The following SLA variants were observed in gnomAD, a reference collection of about 807,000 sequenced individuals.
The protein encoded by SLA is Src like adaptor, also known as src-like-adapter.
Under a neutral mutation model 30.3 loss-of-function variants are expected in SLA, and 16 were observed. That is an observed-to-expected ratio of 0.53 (90% CI 0.36 to 0.80). The LOEUF (loss-of-function observed/expected upper bound fraction) is 0.80, where lower values mean the gene tolerates loss of function less well. Among genes scored for constraint, SLA ranks in the 30% least tolerant of loss-of-function variants. The pLI is 0.01. For missense variants in SLA, 310 were observed against 345.2 expected, an observed-to-expected ratio of 0.90 and a Z score of 0.81; for synonymous variants, 143 against 137.8, an observed-to-expected ratio of 1.04 and a Z score of -0.26.
chr8:133,060,249 C>G, intron 2 of SLA, 49 bp from the exon 3 acceptor site: 1 of 1,611,534 alleles, frequency 6.2e-7, no homozygotes, highest in Non-Finnish European at 8.5e-7. Flanking sequence ...CCTGAGCCCT[C>G]CAAGTGGAGA....
rs1837402631 is a variant in SLA at position 133,038,009 on chromosome 8, G to A, written c.*515C>T. ...TCACGAAGTTCCTTTAAAAAGAGAGGAAAGCATACCAGAAGTCCCTATGGA... is the reference window on the plus strand; with the variant it reads ...TCACGAAGTTCCTTTAAAAAGAGAGAAAAGCATACCAGAAGTCCCTATGGA... On this transcript the variant is annotated 3_prime_UTR_variant, in exon 9 of 9. Transcript: ENST00000338087. 1 of 155,728 alleles carries A rather than the reference G, an allele frequency of 6.4e-6. No homozygotes were observed. Among genetic ancestry groups the A allele is most frequent in the Admixed American group, 6.3e-5 (1 of 15,930 alleles). 9.6% of individuals were successfully genotyped at this position (155,728 alleles called of 1,614,324 possible).
At chr8:133,067,483 G>T (rs1843198254) in intron 2 of SLA, among the ~76,000 whole-genome samples, 1 of 152,106 alleles carries the variant, frequency 6.6e-6, no homozygotes, top group South Asian at 2.1e-4. Flanking sequence ...GGGGAAGAAC[G>T]TGGGATCCTC....
intron 2 of SLA, chr8:133,073,107 A>G (rs974057340): frequency 6.6e-6 from 1 of 152,210 alleles, no homozygotes; most frequent in African/African-American, 2.4e-5. Flanking sequence ...TCTTCTTTTT[A>G]CAAGGAAAAT....
At chr8:133,080,935 G>A (rs1845650503) in intron 1 of SLA, among the ~76,000 whole-genome samples, 1 of 152,198 alleles carries the variant, frequency 6.6e-6, no homozygotes, top group Non-Finnish European at 1.5e-5. Context: ...CTCTCAGAAG[G>A]CCACTTGGTG....
Position 133,060,235 on chromosome 8 carries a change from G to A in SLA, c.-40-35C>T, listed in dbSNP as rs771080149. 116 of 1,612,632 alleles carry A rather than the reference G, an allele frequency of 7.2e-5. 1 individual carries two copies. The highest frequency in any genetic ancestry group is 1.2e-4 in the Admixed American group (7 of 59,704). ...AGGAGACAGACGGGGAAAGTCAACC[G>A]TGCCCTGAGCCCTCCAAGTGGAGAA... On this transcript the variant is annotated intron_variant, in intron 2 of 8. Coordinates refer to ENST00000338087, the MANE Select transcript of SLA (RefSeq NM_001045556.3).
intron 3 of SLA, among the ~76,000 whole-genome samples, chr8:133,052,973 C>A (rs1289969435): frequency 6.6e-6 from 1 of 152,176 alleles, no homozygotes; most frequent in Non-Finnish European, 1.5e-5. Flanking sequence ...ACTAATGGCC[C>A]CCACATATGA....
In SLA at chr8:133,047,942, G is replaced by A; in HGVS notation, c.249-9C>T. 5 of 1,560,480 alleles carry A rather than the reference G, an allele frequency of 3.2e-6. No individual in the cohort carries two copies. Among genetic ancestry groups the A allele is most frequent in the Non-Finnish European group, 4.4e-6 (5 of 1,133,392 alleles). The stretch of plus-strand genomic sequence containing the variant: ...GGCCCTCAAACAGCCAGCTGGGAAG[G>A]AGGAAGACAGCCATTAGGATCCGGA... On this transcript the variant is annotated splice_polypyrimidine_tract_variant and intron_variant, in intron 5 of 8. Transcript: ENST00000338087.
intron 2 of SLA, chr8:133,060,410 G>A (rs1232295167): frequency 8.0e-6 from 12 of 1,505,548 alleles, no homozygotes; most frequent in Non-Finnish European, 1.1e-5. Flanking sequence ...AAAAACCACA[G>A]AGAGGGAAGT....
intron 1 of SLA, among the ~76,000 whole-genome samples, chr8:133,075,414 A>G (rs1844714272): frequency 6.6e-6 from 1 of 152,220 alleles, no homozygotes; most frequent in African/African-American, 2.4e-5. Context: ...AAAGGAGACT[A>G]AAGAGACACA....
At chr8:133,059,494 C>T (rs1167390618) in intron 3 of SLA, among the ~76,000 whole-genome samples, 1 of 152,168 alleles carries the variant, frequency 6.6e-6, no homozygotes, top group Admixed American at 6.5e-5. Flanking sequence ...CCAAACCTGA[C>T]ATCTCTCCAA....
intron 7 of SLA, among the ~76,000 whole-genome samples, chr8:133,041,784 GTTTTTTTTTTTTT>G (rs529937626): frequency 8.0e-6 from 1 of 124,422 alleles, no homozygotes; most frequent in Non-Finnish European, 1.7e-5. Flanking sequence ...CTTGTGGTCA[GTTTTTTTTTTTTT>G]TTTTTTTTTT....
chr8:133,078,156 C>G (rs919828783), intron 1 of SLA, among the ~76,000 whole-genome samples: 7 of 152,204 alleles, frequency 4.6e-5, no homozygotes, highest in African/African-American at 1.7e-4. Flanking sequence ...ACCCATCCTT[C>G]CTCTCCACCA....
intron 1 of SLA, among the ~76,000 whole-genome samples, chr8:133,091,922 C>T (rs66555610): frequency 0.41 from 62,512 of 151,202 alleles, 13,819 homozygotes; most frequent in Non-Finnish European, 0.48. Flanking sequence ...TCTGTGGCTA[C>T]GTCTGTGTGT....
intron 2 of SLA, among the ~76,000 whole-genome samples, chr8:133,068,789 C>A (rs1470459169): frequency 6.6e-6 from 1 of 152,222 alleles, no homozygotes; most frequent in African/African-American, 2.4e-5. Flanking sequence ...TAAAAAGAGC[C>A]CATTTCTTTC....
intron 2 of SLA, among the ~76,000 whole-genome samples, chr8:133,066,649 C>G (rs1843079257): frequency 6.6e-6 from 1 of 152,206 alleles, no homozygotes; most frequent in Non-Finnish European, 1.5e-5. Flanking sequence ...ATTTTCAAAG[C>G]AGGCAGGCCT....
intron 2 of SLA, among the ~76,000 whole-genome samples, chr8:133,066,498 C>T (rs998664209): frequency 6.6e-6 from 1 of 152,158 alleles, no homozygotes; most frequent in Non-Finnish European, 1.5e-5. Flanking sequence ...CAAGGACTCT[C>T]TCTGGGTAGT....
At chr8:133,065,453 C>A (rs753670499) in intron 2 of SLA, among the ~76,000 whole-genome samples, 13 of 152,164 alleles carry the variant, frequency 8.5e-5, no homozygotes, top group Non-Finnish European at 1.5e-4. Context: ...AAGAAGGCAA[C>A]AGAAAAGTGA....
chr8:133,047,177 C>T (rs1314706302), intron 6 of SLA: 1 of 152,192 alleles, frequency 6.6e-6, no homozygotes, highest in South Asian at 2.1e-4. Flanking sequence ...GGGACCCTTG[C>T]TTTGCATCAT....
chr8:133,064,337 T>C (rs1842784758), intron 2 of SLA, among the ~76,000 whole-genome samples: 2 of 152,246 alleles, frequency 1.3e-5, no homozygotes, highest in African/African-American at 4.8e-5. Context: ...ATCCCAATCT[T>C]GCCTTTGTGT....
Sources: gnomAD v4.1 joint callset for allele counts (sites outside exome capture counted in the v4.1 genomes callset) on GRCh38, gnomAD v4.1.1 for gene constraint, MANE v1.5 for transcripts, NCBI Gene and HGNC (gene_info 2026-07-23, HGNC 2026-07-21) for gene names.